MYO6: variants seen among roughly 807,000 people sequenced by gnomAD.
The protein encoded by MYO6 is unconventional myosin-VI.
A neutral mutation model predicts 178.7 loss-of-function variants in MYO6; 74 were observed. The ratio of observed to expected loss-of-function variants is 0.41; its 90% CI spans 0.34 to 0.50. MYO6 has a LOEUF of 0.50. MYO6 is among the 20% of genes least tolerant of loss of function. MYO6 has a pLI of 0.09. For missense variants in MYO6, 1,330 were observed against 1,547.4 expected, an observed-to-expected ratio of 0.86 and a Z score of 2.36; for synonymous variants, 477 against 504.6, an observed-to-expected ratio of 0.95 and a Z score of 0.73.
At chr6:75,802,418 G>A (rs1769565188) in intron 1 of MYO6, among the ~76,000 whole-genome samples, 2 of 151,452 alleles carry the variant, frequency 1.3e-5, no homozygotes, top group African/African-American at 2.4e-5. Flanking sequence ...GCAGTGACCC[G>A]AGACTGCGCC....
intron 16 of MYO6, chr6:75,865,335 C>A (rs1375394397): frequency 7.1e-6 from 1 of 141,690 alleles, no homozygotes; most frequent in African/African-American, 2.6e-5. Flanking sequence ...TGGCGGTAGA[C>A]TCTCAATTTT....
rs560190313 is a variant in MYO6, at chr6:75,872,859, AACCTCC to A, written c.1984-341_1984-336del. ...CAGTGGCGTGATCTCAGCTCACTGC[AACCTCC>A]ACCTCCTGGGTTCAAGTGGTTCTCC... is the stretch of plus-strand genomic sequence containing the variant. On this transcript the variant is annotated intron_variant, in intron 19 of 34. Coordinates refer to ENST00000369977, the MANE Select transcript of MYO6 (RefSeq NM_004999.4). 3.1e-3 allele frequency among the ~76,000 whole-genome samples: 469 copies of A among 151,624 alleles called. 4 individuals carry two copies. Among genetic ancestry groups the A allele is most frequent in the African/African-American group, 0.011 (450 of 41,340 alleles).
intron 32 of MYO6, among the ~76,000 whole-genome samples, chr6:75,910,741 A>G (rs1780697876): frequency 6.6e-6 from 1 of 152,098 alleles, no homozygotes; most frequent in African/African-American, 2.4e-5. Context: ...TACAAAATTC[A>G]TCTTGACACA....
In MYO6 at chr6:75,890,507, G is replaced by T. The variant is rs1778820117; in HGVS notation, c.2867+242G>T. 1.3e-5 allele frequency among the ~76,000 whole-genome samples: 2 copies of T among 152,034 alleles called. 1 individual carries two copies. The highest frequency in any genetic ancestry group is 4.8e-5 in the African/African-American group (2 of 41,392). On this transcript the variant is annotated intron_variant, in intron 26 of 34. Transcript: ENST00000369977. ...TTACAGGTGCGCACCACCACGCCTG[G>T]CTAATTTTTGTATTTGTAGTGGAGA...
rs1335212483 is a variant in MYO6, at chr6:75,845,059, G to T, written c.897+82G>T. On this transcript the variant is annotated intron_variant, in intron 10 of 34. Coordinates refer to ENST00000369977, the MANE Select transcript of MYO6 (RefSeq NM_004999.4). ...GATGTGTTATAATTTTTATTTTAGA[G>T]CCCAAGTAAGAGTTCTAACTTTTAG... 6 of 1,129,586 alleles carry T rather than the reference G, an allele frequency of 5.3e-6. No homozygotes were observed. In the Admixed American group the frequency reaches 7.2e-5, roughly 14 times the overall value. The allele number at this position is 1,129,586 out of a possible 1,614,324, so 70.0% of individuals were successfully genotyped here.
In MYO6 at chr6:75,751,995, CTTTTTTT is replaced by C. The variant is rs1239585313; in HGVS notation, c.-48+2580_-48+2586del. On this transcript the variant is annotated intron_variant, in intron 1 of 34. Transcript: ENST00000369977. ...AAATAAATCTCAGAGTTTATTTATTCTTTTTTTTTTTTTTCTCTGAGATGGAGTCTTG... is the reference window on the plus strand; with the variant it reads ...AAATAAATCTCAGAGTTTATTTATTCTTTTTTTCTCTGAGATGGAGTCTTG... Among the ~76,000 whole-genome samples, 5 of 142,510 alleles carry C rather than the reference CTTTTTTT, an allele frequency of 3.5e-5. No homozygotes were observed. The East Asian group carries it at 1.0e-3, about 29-fold the overall frequency. The allele number at this position is 142,510 out of a possible 152,430, so 93.5% of individuals were successfully genotyped here. A position where few individuals can be genotyped will look rare whatever the true frequency, so the allele number is the denominator to read the frequency against.
chr6:75,806,707 C>T (rs2150134143), intron 1 of MYO6, among the ~76,000 whole-genome samples: 1 of 152,224 alleles, frequency 6.6e-6, no homozygotes, highest in East Asian at 1.9e-4. Flanking sequence ...GTGAGCTGTG[C>T]CTTAAGGACA....
At chr6:75,811,794 G>A (rs900377928) in intron 1 of MYO6, among the ~76,000 whole-genome samples, 3 of 152,078 alleles carry the variant, frequency 2.0e-5, no homozygotes, top group Non-Finnish European at 4.4e-5. Flanking sequence ...AGTGGGGAAG[G>A]AAAAGAGAAA....
intron 2 of MYO6, 35 bp from the exon 3 acceptor site, chr6:75,822,747 C>A (rs1217763755): frequency 1.3e-6 from 2 of 1,570,800 alleles, no homozygotes; most frequent in Non-Finnish European, 1.8e-6. Context: ...TATTTAAAAG[C>A]CTTGAGTTTA....
At chr6:75,866,275 C>CTGTGTGTGTGTGTGTG (rs10687890) in intron 16 of MYO6, among the ~76,000 whole-genome samples, 51 of 119,212 alleles carry the variant, frequency 4.3e-4, no homozygotes, top group South Asian at 1.5e-3. Flanking sequence ...GTCTCTGTCT[C>CTGTGTGTGTGTGTGTG]TGTGTGTGTG....
intron 20 of MYO6, among the ~76,000 whole-genome samples, chr6:75,877,124 T>C (rs954536879): frequency 2.6e-5 from 4 of 151,928 alleles, no homozygotes; most frequent in Admixed American, 6.6e-5. Flanking sequence ...ATTATAGGCA[T>C]GCACCACCAT....
rs1318429855 is a variant in MYO6 at position 75,916,319 on chromosome 6, A to T, written c.*1307A>T. 6.6e-6 allele frequency: 1 copy of T among 152,380 alleles called. No individual in the cohort carries two copies. Among genetic ancestry groups the T allele is most frequent in the South Asian group, 2.1e-4 (1 of 4,836 alleles). The allele number at this position is 152,380 out of a possible 1,614,324, so 9.4% of individuals were successfully genotyped here. ...AGTGATTTCTTTTTTCCCTAGAAAGATTACCTCAGTTAGGGAAGTATTTCC... is the reference window on the plus strand; with the variant it reads ...AGTGATTTCTTTTTTCCCTAGAAAGTTTACCTCAGTTAGGGAAGTATTTCC... On this transcript the variant is annotated 3_prime_UTR_variant, in exon 35 of 35. Transcript: ENST00000369977.
intron 20 of MYO6, among the ~76,000 whole-genome samples, chr6:75,876,534 T>C (rs1278444121): frequency 6.6e-6 from 1 of 152,202 alleles, no homozygotes; most frequent in Non-Finnish European, 1.5e-5. Context: ...TTTTTCCCCA[T>C]TGGAATTCCT....
chr6:75,861,749 TATAATA>T (rs1287778819), intron 15 of MYO6, among the ~76,000 whole-genome samples: 2 of 152,308 alleles, frequency 1.3e-5, no homozygotes, highest in African/African-American at 4.8e-5. Context: ...AAAAACATAG[TATAATA>T]ATAATACTAC....
chr6:75,796,220 A>G (rs931622546), intron 1 of MYO6, among the ~76,000 whole-genome samples: 1 of 152,156 alleles, frequency 6.6e-6, no homozygotes, highest in East Asian at 1.9e-4. Context: ...TCTAATATGC[A>G]TATCTAATTA....
chr6:75,843,191 G>C (rs753342041), intron 9 of MYO6, among the ~76,000 whole-genome samples: 2 of 152,136 alleles, frequency 1.3e-5, no homozygotes, highest in African/African-American at 2.4e-5. Context: ...ATAATTGAGA[G>C]ATCAGGTTTT....
chr6:75,799,844 T>G (rs1238464176), intron 1 of MYO6, among the ~76,000 whole-genome samples: 1 of 152,160 alleles, frequency 6.6e-6, no homozygotes, highest in East Asian at 1.9e-4. Context: ...TAGCACTGCT[T>G]CTCTGAGTAT....
At chr6:75,844,148 A>G (rs960452528) in intron 9 of MYO6, among the ~76,000 whole-genome samples, 2 of 152,148 alleles carry the variant, frequency 1.3e-5, no homozygotes, top group Admixed American at 1.3e-4. Flanking sequence ...TTCACTTTTT[A>G]TTAGAAACAG....
At chr6:75,761,181 A>G (rs989918097) in intron 1 of MYO6, among the ~76,000 whole-genome samples, 3 of 152,224 alleles carry the variant, frequency 2.0e-5, no homozygotes, top group Non-Finnish European at 2.9e-5. Context: ...TGATATTTCA[A>G]ACAAAACTGT....
Sources: gnomAD v4.1 joint callset for allele counts (sites outside exome capture counted in the v4.1 genomes callset) on GRCh38, gnomAD v4.1.1 for gene constraint, MANE v1.5 for transcripts, NCBI Gene and HGNC (gene_info 2026-07-23, HGNC 2026-07-21) for gene names.